PRKN: variants seen among roughly 807,000 people sequenced by gnomAD.
PRKN encodes the protein parkin RBR E3 ubiquitin protein ligase.
Under a neutral mutation model 59.5 loss-of-function variants are expected in PRKN, and 56 were observed. The ratio of observed to expected loss-of-function variants is 0.94; its 90% CI spans 0.76 to 1.18. PRKN has a LOEUF of 1.18. PRKN is among the 50% of genes most tolerant of loss of function. PRKN has a pLI of 0.00. For missense variants in PRKN, 657 were observed against 596.4 expected, an observed-to-expected ratio of 1.10 and a Z score of -1.06; for synonymous variants, 250 against 222.1, an observed-to-expected ratio of 1.13 and a Z score of -1.12.
At chr6:162,181,843 A>C (rs1276350250) in intron 4 of PRKN, among the ~76,000 whole-genome samples, 1 of 152,180 alleles carries the variant, frequency 6.6e-6, no homozygotes. Flanking sequence ...AAAGAAGTTG[A>C]GAATAAGAAA....
intron 4 of PRKN, among the ~76,000 whole-genome samples, chr6:162,185,859 C>T (rs1313909111): frequency 1.3e-5 from 2 of 152,134 alleles, no homozygotes; most frequent in East Asian, 3.9e-4. Flanking sequence ...ATTTTAAATG[C>T]CTTAGGGACT....
intron 6 of PRKN, among the ~76,000 whole-genome samples, chr6:161,890,381 C>T (rs1283778559): frequency 1.3e-5 from 2 of 152,144 alleles, no homozygotes; most frequent in African/African-American, 2.4e-5. Flanking sequence ...GTCTTGGCAT[C>T]GCATCACACT....
chr6:161,440,248 T>C lies in PRKN; in HGVS notation c.1084-53371A>G, dbSNP rs2115084874. Among the ~76,000 whole-genome samples the C allele has an allele frequency of 6.6e-6, 1 of 152,276 alleles. No homozygotes were observed. The highest frequency in any genetic ancestry group is 1.9e-4 in the East Asian group (1 of 5,174). ...GATTACAGGTGTGAGACACTGCGCC[T>C]GGCCTGGCCCTAAGTTTTTACCCTT... On this transcript the variant is annotated intron_variant, in intron 9 of 11. Coordinates refer to ENST00000366898, the MANE Select transcript of PRKN (RefSeq NM_004562.3). This position sits in a 1 kb window ranked among gnomAD's most constrained non-coding sequence, Gnocchi z 4.1.
intron 7 of PRKN, among the ~76,000 whole-genome samples, chr6:161,642,761 G>C (rs1343586878): frequency 3.3e-5 from 5 of 152,310 alleles, no homozygotes; most frequent in African/African-American, 1.2e-4. Flanking sequence ...GGTGAGAAGA[G>C]AGGCAGAGCC....
intron 9 of PRKN, among the ~76,000 whole-genome samples, chr6:161,539,808 C>T (rs1421251822): frequency 1.3e-5 from 2 of 152,176 alleles, no homozygotes; most frequent in African/African-American, 4.8e-5. Context: ...CTTATATGCT[C>T]ATGTGCATGG....
At chr6:161,486,817 C>T (rs1323655193) in intron 9 of PRKN, among the ~76,000 whole-genome samples, 1 of 152,118 alleles carries the variant, frequency 6.6e-6, no homozygotes, top group Non-Finnish European at 1.5e-5. Context: ...TTTAAAGCAC[C>T]AGAGCAGAAT....
chr6:162,338,293 C>G (rs929132906), intron 2 of PRKN, among the ~76,000 whole-genome samples: 6 of 152,136 alleles, frequency 3.9e-5, no homozygotes, highest in Non-Finnish European at 8.8e-5. Flanking sequence ...TCTCTTTCCA[C>G]GGTCTCCCTC....
At chr6:161,900,419 T>C (rs1777844719) in intron 6 of PRKN, among the ~76,000 whole-genome samples, 2 of 144,554 alleles carry the variant, frequency 1.4e-5, no homozygotes, top group East Asian at 2.0e-4. Flanking sequence ...TAGAGAAAAT[T>C]AGAGAAAAAT....
In PRKN at chr6:161,352,056, A is replaced by G. The variant is rs1380711215; in HGVS notation, c.1286-1845T>C. On this transcript the variant is annotated intron_variant, in intron 11 of 11. Coordinates refer to ENST00000366898, the MANE Select transcript of PRKN (RefSeq NM_004562.3). The surrounding 1 kb of genome is among the most constrained non-coding windows in gnomAD (Gnocchi z 5.8). Reference sequence around the variant, plus strand: ...TGATTTGTATGAGGATGTACAGAGAACTGTTTCTGTCCAAATTTCCTGGAA... The same window carrying G: ...TGATTTGTATGAGGATGTACAGAGAGCTGTTTCTGTCCAAATTTCCTGGAA... 6.6e-6 allele frequency among the ~76,000 whole-genome samples: 1 copy of G among 152,198 alleles called. No homozygotes were observed. Among genetic ancestry groups the G allele is most frequent in the Non-Finnish European group, 1.5e-5 (1 of 68,036 alleles).
chr6:161,519,011 G>C (rs1778719372), intron 9 of PRKN, among the ~76,000 whole-genome samples: 1 of 152,184 alleles, frequency 6.6e-6, no homozygotes, highest in Non-Finnish European at 1.5e-5. Context: ...CGAGACTTCA[G>C]ACAGAGAGCA....
intron 2 of PRKN, chr6:162,270,184 A>C (rs1437489790): frequency 6.6e-6 from 1 of 152,232 alleles, no homozygotes; most frequent in Non-Finnish European, 1.5e-5. Flanking sequence ...CTGCTCAGCC[A>C]TAAAAAGGAA....
chr6:161,900,134 T>C (rs9347558), intron 6 of PRKN, among the ~76,000 whole-genome samples: 6,891 of 151,570 alleles, frequency 0.045, 245 homozygotes, highest in South Asian at 0.15. Flanking sequence ...TAAAATAAAA[T>C]AAAATAAAAA....
intron 3 of PRKN, among the ~76,000 whole-genome samples, chr6:162,248,834 T>TCA (rs1305543674): frequency 6.6e-6 from 1 of 152,168 alleles, no homozygotes; most frequent in Non-Finnish European, 1.5e-5. Context: ...TTCTCTTTCT[T>TCA]CTTCATCAGT....
At chr6:162,453,166 G>A (rs190158574) in intron 1 of PRKN, among the ~76,000 whole-genome samples, 25 of 152,026 alleles carry the variant, frequency 1.6e-4, no homozygotes, top group African/African-American at 5.3e-4. Flanking sequence ...CAGGTTCCCC[G>A]GCTGGAAACA....
chr6:161,643,554 A>C (rs1783816825), intron 7 of PRKN, among the ~76,000 whole-genome samples: 1 of 152,268 alleles, frequency 6.6e-6, no homozygotes, highest in South Asian at 2.1e-4. Flanking sequence ...TCATTTAAAC[A>C]TAGGCCAGTG....
chr6:162,297,015 G>A (rs1781705110), intron 2 of PRKN, among the ~76,000 whole-genome samples: 1 of 152,132 alleles, frequency 6.6e-6, no homozygotes, highest in Non-Finnish European at 1.5e-5. Context: ...TAATGGCAAA[G>A]GGGGCCAAGA....
intron 6 of PRKN, among the ~76,000 whole-genome samples, chr6:161,931,589 T>C (rs1779173589): frequency 6.6e-6 from 1 of 152,178 alleles, no homozygotes; most frequent in South Asian, 2.1e-4. Flanking sequence ...TCTGTTATAG[T>C]GACACAAAAT....
chr6:162,250,458 TGA>T (rs1341895618), intron 3 of PRKN, among the ~76,000 whole-genome samples: 2 of 151,736 alleles, frequency 1.3e-5, no homozygotes, highest in African/African-American at 4.9e-5. Flanking sequence ...ACTTTTCCTT[TGA>T]TCCTTTGATG....
At chr6:161,902,559 TATTTA>T (rs1228206599) in intron 6 of PRKN, among the ~76,000 whole-genome samples, 32 of 134,260 alleles carry the variant, frequency 2.4e-4, no homozygotes, top group Admixed American at 1.6e-3. Context: ...TTTATTTATT[TATTTA>T]TTTTTTTTTT....
Sources: allele counts gnomAD v4.1 joint callset (sites outside exome capture counted in the v4.1 genomes callset), GRCh38; gene constraint gnomAD v4.1.1; non-coding constraint Gnocchi (gnomAD v3.1); transcripts MANE v1.5; gene names NCBI Gene and HGNC (gene_info 2026-07-23, HGNC 2026-07-21).